LRRC37A2: variants seen among roughly 807,000 people sequenced by gnomAD.
LRRC37A2 encodes leucine-rich repeat-containing protein 37A2.
LRRC37A2 carries 9 observed loss-of-function variants against 68.8 expected under a neutral mutation model. That is an observed-to-expected ratio of 0.13 (90% confidence interval 0.08 to 0.23). The LOEUF (loss-of-function observed/expected upper bound fraction) is 0.23, where lower values mean the gene tolerates loss of function less well. Ranked by LOEUF, LRRC37A2 falls within the 10% of genes least tolerant of loss-of-function variation. The pLI is 1.00. For synonymous variants in LRRC37A2, 63 were observed against 367.6 expected (o/e 0.17, Z 9.48); for missense variants, 168 against 950.4 (o/e 0.18, Z 10.82).
At chr17:46,830,746 G>A in the LRRC37A2 span, 15 of 398,548 alleles carry the variant, frequency 3.8e-5, no homozygotes, top group Non-Finnish European at 6.2e-5. Flanking sequence ...GGCCACGGGT[G>A]TTCTAGAAGG....
the LRRC37A2 span, among the ~76,000 whole-genome samples, chr17:46,951,863 C>G: frequency 6.6e-6 from 1 of 152,148 alleles, no homozygotes; most frequent in Non-Finnish European, 1.5e-5. Flanking sequence ...TCTGGCTTTT[C>G]CCTCGGGGTG....
chr17:46,821,028 T>C, the LRRC37A2 span: 1 of 150,736 alleles, frequency 6.6e-6, no homozygotes, highest in Non-Finnish European at 1.5e-5. Context: ...TCGGTGGGAG[T>C]GTGTGTTGGC....
intron 6 of LRRC37A2, among the ~76,000 whole-genome samples, chr17:46,526,202 C>G (rs1291160795): frequency 4.5e-5 from 5 of 110,228 alleles, no homozygotes; most frequent in Admixed American, 4.3e-4. Flanking sequence ...GTCAAATCTT[C>G]CTGGTAAACA....
At chr17:46,811,663 T>A in the LRRC37A2 span, among the ~76,000 whole-genome samples, 1 of 152,126 alleles carries the variant, frequency 6.6e-6, no homozygotes, top group Non-Finnish European at 1.5e-5. Flanking sequence ...CAGAAGATTC[T>A]AGAAACTCTG....
intron 8 of LRRC37A2, among the ~76,000 whole-genome samples, chr17:46,541,712 C>G (rs1054424214): frequency 6.6e-6 from 1 of 150,800 alleles, no homozygotes; most frequent in African/African-American, 2.5e-5. Flanking sequence ...AACAATACAA[C>G]AATAAAAGCA....
chr17:46,880,605 T>C, the LRRC37A2 span, among the ~76,000 whole-genome samples: 6 of 152,290 alleles, frequency 3.9e-5, no homozygotes, highest in African/African-American at 1.4e-4. Context: ...ACATTGGACA[T>C]GGTCCCCGTA....
At chr17:46,966,369 T>C in the LRRC37A2 span, among the ~76,000 whole-genome samples, 2 of 152,306 alleles carry the variant, frequency 1.3e-5, no homozygotes, top group Middle Eastern at 3.4e-3. Flanking sequence ...TTGTGTGACC[T>C]CCTCACACCT....
At chr17:46,875,413 C>T in the LRRC37A2 span, 15 of 1,529,226 alleles carry the variant, frequency 9.8e-6, no homozygotes, top group Middle Eastern at 1.7e-4. Flanking sequence ...CCAGGGTACA[C>T]AGCTGGGGAG....
chr17:46,823,190 A>ATATAT, the LRRC37A2 span, among the ~76,000 whole-genome samples: 1 of 126,796 alleles, frequency 7.9e-6, no homozygotes, highest in African/African-American at 3.3e-5. Context: ...ATAATATATT[A>ATATAT]TATATATTTA....
chr17:46,691,401 C>T, the LRRC37A2 span, among the ~76,000 whole-genome samples: 2 of 110,542 alleles, frequency 1.8e-5, no homozygotes, highest in East Asian at 6.1e-4. Context: ...TCGAGACCAG[C>T]CTGGCAAACA....
chr17:46,679,694 A>C, the LRRC37A2 span, among the ~76,000 whole-genome samples: 9 of 147,724 alleles, frequency 6.1e-5, no homozygotes, highest in African/African-American at 2.2e-4. Context: ...CTCCATGTCA[A>C]AAAAAAAAAA....
chr17:46,828,894 A>G, the LRRC37A2 span, among the ~76,000 whole-genome samples: 2 of 97,190 alleles, frequency 2.1e-5, no homozygotes, highest in Non-Finnish European at 2.8e-5. Context: ...CCCAAGAGGC[A>G]GAGGTTGCAG....
At chr17:46,735,927 TG>T in the LRRC37A2 span, among the ~76,000 whole-genome samples, 1 of 152,020 alleles carries the variant, frequency 6.6e-6, no homozygotes, top group Non-Finnish European at 1.5e-5. Flanking sequence ...CCTGGGTGGA[TG>T]GAGTGAGACT....
chr17:46,982,200 C>T, the LRRC37A2 span, among the ~76,000 whole-genome samples: 1 of 152,328 alleles, frequency 6.6e-6, no homozygotes, highest in Middle Eastern at 3.4e-3. Flanking sequence ...CTGGCCCGAA[C>T]ATTCTGTCCT....
At chr17:46,711,755 C>T in the LRRC37A2 span, among the ~76,000 whole-genome samples, 1 of 152,160 alleles carries the variant, frequency 6.6e-6, no homozygotes, top group Admixed American at 6.5e-5. Context: ...AACCTAACTA[C>T]CTCTAAAGGT....
the LRRC37A2 span, chr17:46,936,631 C>T: frequency 1.0e-6 from 1 of 985,176 alleles, no homozygotes; most frequent in Non-Finnish European, 1.2e-6. Context: ...CAATTTGTGG[C>T]TGAAAATGAA....
At chr17:46,412,446 G>A in the LRRC37A2 span, among the ~76,000 whole-genome samples, 3 of 105,588 alleles carry the variant, frequency 2.8e-5, no homozygotes, top group South Asian at 1.5e-3. Context: ...TTCTGGTGTT[G>A]CCGGCAATCC....
At chr17:46,914,851 C>T in the LRRC37A2 span, among the ~76,000 whole-genome samples, 1 of 152,094 alleles carries the variant, frequency 6.6e-6, no homozygotes, top group African/African-American at 2.4e-5. Flanking sequence ...CACATCTACT[C>T]TAGAAAGTCT....
At chr17:46,839,473 A>G in the LRRC37A2 span, among the ~76,000 whole-genome samples, 1 of 152,234 alleles carries the variant, frequency 6.6e-6, no homozygotes, top group Non-Finnish European at 1.5e-5. Context: ...CTGTGGCACA[A>G]CGCAGGCGTC....
Sources: gnomAD v4.1 joint callset for allele counts (sites outside exome capture counted in the v4.1 genomes callset) on GRCh38, gnomAD v4.1.1 for gene constraint, MANE v1.5 for transcripts, NCBI Gene and HGNC (gene_info 2026-07-23, HGNC 2026-07-21) for gene names.